The following TIA1 variants were observed in gnomAD, a reference collection of about 807,000 sequenced individuals.
TIA1 encodes the protein TIA1 cytotoxic granule associated RNA binding protein, also known as cytotoxic granule associated RNA binding protein TIA1.
Under a neutral mutation model 65.9 loss-of-function variants are expected in TIA1, and 23 were observed. The observed-to-expected ratio is 0.35, with a 90% CI of 0.25 to 0.49. TIA1 has a LOEUF of 0.49. Among genes scored for constraint, TIA1 ranks in the 20% least tolerant of loss-of-function variants. The pLI is 0.98. For missense variants in TIA1, 371 were observed against 477.9 expected (o/e 0.78, Z 2.09); for synonymous variants, 147 against 149.4 (o/e 0.98, Z 0.12).
Position 70,216,393 on chromosome 2 carries a change from G to A in TIA1, c.679+11C>T. On this transcript the variant is annotated intron_variant, in intron 9 of 12. Coordinates refer to ENST00000433529, the MANE Select transcript of TIA1 (RefSeq NM_022173.4). ...TTAAAAATTAATGCCACACAGGGAA[G>A]GCTCCCATACCTGTTAGCCCAGAAG... 1 of 1,604,866 alleles carries A rather than the reference G, an allele frequency of 6.2e-7. No individual in the cohort carries two copies. Among genetic ancestry groups the A allele is most frequent in the East Asian group, 2.2e-5 (1 of 44,722 alleles).
intron 1 of TIA1, among the ~76,000 whole-genome samples, chr2:70,242,168 A>G (rs1398591918): frequency 6.6e-6 from 1 of 152,048 alleles, no homozygotes; most frequent in Non-Finnish European, 1.5e-5. Flanking sequence ...TCCCCCGCAA[A>G]AAACAAAACT....
At chr2:70,247,032 A>C (rs1019574167) in intron 1 of TIA1, among the ~76,000 whole-genome samples, 16 of 152,240 alleles carry the variant, frequency 1.1e-4, no homozygotes, top group Non-Finnish European at 2.9e-5. Flanking sequence ...GCAGTGCCTT[A>C]ACCCAAAATG....
chr2:70,236,262 G>C (rs1031568173), intron 1 of TIA1, 87 bp from the exon 2 acceptor site: 8 of 807,130 alleles, frequency 9.9e-6, no homozygotes, highest in East Asian at 2.8e-5. Flanking sequence ...GCAATGGCAC[G>C]ATCTCGGCTC....
chr2:70,230,767 T>A lies in TIA1; in HGVS notation c.211A>T (p.Ile71Leu). 1 of 1,606,460 alleles carries A rather than the reference T, an allele frequency of 6.2e-7. No homozygotes were observed. Among genetic ancestry groups the A allele is most frequent in the Non-Finnish European group, 8.5e-7 (1 of 1,177,478 alleles). ...AALAAMNGRK[I>L]MGKEVKVNWA... is the part of the protein sequence containing the mutation. ...TTACGACAGCTTACCTTACCCATTATCTTCCGTCCATTCATAGCAGCTAAT... is the reference window on the plus strand; with the variant it reads ...TTACGACAGCTTACCTTACCCATTAACTTCCGTCCATTCATAGCAGCTAAT... The change falls in exon 3 of 13, where the codon ATA becomes TTA. Residue 71 changes from isoleucine to leucine, a missense_variant. Transcript: ENST00000433529.
At chr2:70,222,150 A>AAC (rs1337468140) in intron 7 of TIA1, among the ~76,000 whole-genome samples, 1 of 151,314 alleles carries the variant, frequency 6.6e-6, no homozygotes, top group Non-Finnish European at 1.5e-5. Flanking sequence ...CAAACAAACA[A>AAC]AAAAAAAACA....
At position 70,248,619 on chromosome 2, in the gene TIA1, A is replaced by G; in HGVS notation, c.-189T>C. 5.2e-6 allele frequency: 4 copies of G among 763,150 alleles called. No homozygotes were observed. Among genetic ancestry groups the G allele is most frequent in the Non-Finnish European group, 8.5e-6 (4 of 472,010 alleles). 47.3% of individuals were successfully genotyped at this position (763,150 alleles called of 1,614,324 possible). A position where few individuals can be genotyped will look rare whatever the true frequency, so the allele number is the denominator to read the frequency against. ...GCGGGAACAATGAAACCCCAATACAAGATGGCGGCGAGCCGGGAGCCTAGG... is the reference window on the plus strand; with the variant it reads ...GCGGGAACAATGAAACCCCAATACAGGATGGCGGCGAGCCGGGAGCCTAGG... On this transcript the variant is annotated 5_prime_UTR_variant, in exon 1 of 13. Transcript: ENST00000433529.
At chr2:70,234,703 A>G (rs1687994057) in intron 2 of TIA1, among the ~76,000 whole-genome samples, 2 of 152,096 alleles carry the variant, frequency 1.3e-5, no homozygotes. Context: ...CTGGGATTAC[A>G]GGCGCTTGCC....
intron 1 of TIA1, among the ~76,000 whole-genome samples, chr2:70,247,167 T>C (rs1694740464): frequency 6.6e-6 from 1 of 152,160 alleles, no homozygotes; most frequent in Admixed American, 6.6e-5. Flanking sequence ...CATGCACTAA[T>C]TGCTACGTCC....
At chr2:70,225,059 A>G in intron 6 of TIA1, 1 of 982,198 alleles carries the variant, frequency 1.0e-6, no homozygotes, top group Non-Finnish European at 1.2e-6. Context: ...AAACCAAAAG[A>G]ATGAAAAAGT....
rs1017008375 is a variant in TIA1, at chr2:70,212,934, T to C, written c.1035-89A>G. On this transcript the variant is annotated intron_variant, in intron 12 of 12. Coordinates refer to ENST00000433529, the MANE Select transcript of TIA1 (RefSeq NM_022173.4). The stretch of plus-strand genomic sequence containing the variant: ...CAAGAACAAACAACAAGAACAAATA[T>C]GGGAAATGGGAAACATACTTTTTCT... The C allele has an allele frequency of 2.6e-4, 206 of 794,832 alleles. 1 individual carries two copies. The Admixed American group carries it at 3.8e-3, about 15-fold the overall frequency. The allele number at this position is 794,832 out of a possible 1,614,324, so 49.2% of individuals were successfully genotyped here.
chr2:70,247,457 A>G (rs1242963345), intron 1 of TIA1, among the ~76,000 whole-genome samples: 1 of 152,214 alleles, frequency 6.6e-6, no homozygotes, highest in African/African-American at 2.4e-5. Flanking sequence ...ACAAAAAGCT[A>G]TGTCATCCAA....
intron 7 of TIA1, among the ~76,000 whole-genome samples, chr2:70,219,526 C>A (rs926451198): frequency 1.3e-5 from 2 of 152,128 alleles, no homozygotes; most frequent in African/African-American, 4.8e-5. Flanking sequence ...ATTCTGTCAT[C>A]CAGGCATGAT....
At chr2:70,222,528 C>A (rs1443000010) in intron 7 of TIA1, among the ~76,000 whole-genome samples, 1 of 152,126 alleles carries the variant, frequency 6.6e-6, no homozygotes, top group East Asian at 1.9e-4. Flanking sequence ...GCAATCAGGG[C>A]TGTAGCACTG....
intron 2 of TIA1, 22 bp downstream of exon 2, chr2:70,236,052 AAAGTT>A (rs1374988539): frequency 7.1e-7 from 1 of 1,402,286 alleles, no homozygotes; most frequent in South Asian, 1.2e-5. Context: ...AAAAAAGAAT[AAAGTT>A]AACTAAGTAA....
intron 1 of TIA1, among the ~76,000 whole-genome samples, chr2:70,237,218 A>G (rs956415139): frequency 7.2e-5 from 11 of 152,086 alleles, no homozygotes; most frequent in Non-Finnish European, 8.8e-5. Context: ...CCTGGTAAAC[A>G]TGGTGAAACC....
chr2:70,217,021 A>G, intron 7 of TIA1, 27 bp from the exon 8 acceptor site: 3 of 1,586,340 alleles, frequency 1.9e-6, no homozygotes, highest in Non-Finnish European at 1.7e-6. Context: ...TAGAAACAAT[A>G]AAGAAGTCAC....
Position 70,213,801 on chromosome 2 carries a change from A to G in TIA1, c.1034+548T>C, listed in dbSNP as rs183965493. 3.6e-3 allele frequency among the ~76,000 whole-genome samples: 555 copies of G among 152,080 alleles called. 3 individuals are homozygous for G. Among genetic ancestry groups the G allele is most frequent in the African/African-American group, 0.013 (533 of 41,470 alleles). On this transcript the variant is annotated intron_variant, in intron 12 of 12. Coordinates refer to ENST00000433529, the MANE Select transcript of TIA1 (RefSeq NM_022173.4). ...CAAATAGCTGGAACTACTGGTGTGC[A>G]CCACTACACCTGGCTAATTTTTGTA...
At chr2:70,228,778 G>A in intron 5 of TIA1, 1 of 1,333,046 alleles carries the variant, frequency 7.5e-7, no homozygotes, top group Non-Finnish European at 9.6e-7. Flanking sequence ...AAGCCCAAAT[G>A]GTGACCTCAA....
At chr2:70,218,585 ATTTTTTAGTAGAGACAGGGTTTC>A (rs1340797627) in intron 7 of TIA1, among the ~76,000 whole-genome samples, 3 of 151,456 alleles carry the variant, frequency 2.0e-5, no homozygotes, top group South Asian at 4.2e-4. Context: ...TTTTTTTTGT[ATTTTTTAGTAGAGACAGGGTTTC>A]TTTTTTAGTA....
Sources: gnomAD v4.1 joint callset for allele counts (sites outside exome capture counted in the v4.1 genomes callset) on GRCh38, gnomAD v4.1.1 for gene constraint, MANE v1.5 for transcripts, NCBI Gene and HGNC (gene_info 2026-07-23, HGNC 2026-07-21) for gene names.